The following DAB2IP variants were observed in gnomAD, a reference collection of about 807,000 sequenced individuals.
The protein encoded by DAB2IP is disabled homolog 2-interacting protein.
In DAB2IP, 28 loss-of-function variants were observed where a neutral mutation model predicts 107.2. That is an observed-to-expected ratio of 0.26 (90% CI 0.19 to 0.36). DAB2IP has a LOEUF of 0.36. Ranked by LOEUF, DAB2IP falls within the 10% of genes least tolerant of loss-of-function variation. DAB2IP has a pLI of 1.00. For missense variants in DAB2IP, 1,400 were observed against 1,644.7 expected, an observed-to-expected ratio of 0.85 and a Z score of 2.57; for synonymous variants, 755 against 706.4, an observed-to-expected ratio of 1.07 and a Z score of -1.09.
chr9:121,750,734 G>T (rs548333728), intron 3 of DAB2IP, among the ~76,000 whole-genome samples: 1 of 152,324 alleles, frequency 6.6e-6, no homozygotes, highest in African/African-American at 2.4e-5. Flanking sequence ...TTTCGGTTTG[G>T]GGTCCTTTCC....
At chr9:121,576,755 G>C (rs4310275) in intron 1 of DAB2IP, among the ~76,000 whole-genome samples, 2 of 149,718 alleles carry the variant, frequency 1.3e-5, no homozygotes, top group East Asian at 3.9e-4. Context: ...GGCAGATTCT[G>C]GGGGGGGAGG....
chr9:121,715,351 C>CTT (rs768480637), intron 3 of DAB2IP, among the ~76,000 whole-genome samples: 8 of 129,652 alleles, frequency 6.2e-5, no homozygotes, highest in East Asian at 4.1e-4. Flanking sequence ...TTCTTTCTTT[C>CTT]TTTTTTTTTT....
chr9:121,567,299 T>C (rs1829827420), intron 1 of DAB2IP: 1 of 1,607,118 alleles, frequency 6.2e-7, no homozygotes, highest in Non-Finnish European at 8.5e-7. Context: ...TTCTCTGCTA[T>C]AGGAATCTGA....
intron 1 of DAB2IP, among the ~76,000 whole-genome samples, chr9:121,584,707 A>C (rs950872418): frequency 6.6e-6 from 1 of 152,136 alleles, no homozygotes; most frequent in African/African-American, 2.4e-5. Context: ...TCTGGGGCAA[A>C]GGGTGGGAAG....
rs114616653 is a variant in DAB2IP at position 121,764,918 on chromosome 9, G to A, written c.1460+1039G>A. On this transcript the variant is annotated intron_variant, in intron 8 of 15. Transcript: ENST00000408936. ...CTGTGAATGCTGGGGCACCCTGGGG[G>A]CAGGTGAGCCCACCACCTCAGGACT... Among the ~76,000 whole-genome samples the A allele has an allele frequency of 6.0e-3, 919 of 152,330 alleles. 9 individuals are homozygous for A. The highest frequency in any genetic ancestry group is 0.02 in the African/African-American group (852 of 41,572).
At chr9:121,620,992 C>A (rs1005855945) in intron 1 of DAB2IP, among the ~76,000 whole-genome samples, 1 of 152,212 alleles carries the variant, frequency 6.6e-6, no homozygotes, top group Non-Finnish European at 1.5e-5. Context: ...CTCGCATTCA[C>A]CTGCTCCCCC....
chr9:121,652,152 C>T lies in DAB2IP; in HGVS notation c.124+253C>T, dbSNP rs141915892. Among the ~76,000 whole-genome samples, 482 of 152,272 alleles carry T rather than the reference C, an allele frequency of 3.2e-3. 4 individuals carry two copies. Among genetic ancestry groups the T allele is most frequent in the African/African-American group, 0.01 (427 of 41,550 alleles). On this transcript the variant is annotated intron_variant, in intron 1 of 15. Coordinates refer to ENST00000408936, the Ensembl canonical transcript of DAB2IP. ...GAGAGGGGAGCCTGGAATCTTTCTCCGCATCTCAGATCAGACCTCCTACCC... is the reference window on the plus strand; with the variant it reads ...GAGAGGGGAGCCTGGAATCTTTCTCTGCATCTCAGATCAGACCTCCTACCC...
At chr9:121,693,798 G>C (rs1829282396) in intron 2 of DAB2IP, among the ~76,000 whole-genome samples, 2 of 152,346 alleles carry the variant, frequency 1.3e-5, no homozygotes, top group Admixed American at 1.3e-4. Flanking sequence ...TAGATGCTGG[G>C]CTTGGGGGAA....
chr9:121,568,493 A>G (rs1213771234), intron 1 of DAB2IP, among the ~76,000 whole-genome samples: 1 of 152,180 alleles, frequency 6.6e-6, no homozygotes, highest in African/African-American at 2.4e-5. Context: ...GGAGGAGAAT[A>G]CAAAGGGAGG....
At chr9:121,621,529 T>C (rs1341887582) in intron 1 of DAB2IP, among the ~76,000 whole-genome samples, 1 of 152,158 alleles carries the variant, frequency 6.6e-6, no homozygotes, top group Non-Finnish European at 1.5e-5. Flanking sequence ...GGTGCCTGCC[T>C]GTGGATCTGA....
rs200400031 is a variant in DAB2IP at position 121,781,592 on chromosome 9, G to A, written c.3402+41G>A. 42 of 1,596,058 alleles carry A rather than the reference G, an allele frequency of 2.6e-5. No homozygotes were observed. In the Middle Eastern group the frequency reaches 6.6e-4, roughly 25 times the overall value. On this transcript the variant is annotated intron_variant, in intron 15 of 15. Coordinates refer to ENST00000408936, the Ensembl canonical transcript of DAB2IP. ...CTTTGGTCAGCCACAAGAGTTAAAGGGCCTGGGATTAGGAGGGGTGACTAG... is the reference window on the plus strand; with the variant it reads ...CTTTGGTCAGCCACAAGAGTTAAAGAGCCTGGGATTAGGAGGGGTGACTAG...
At position 121,595,400 on chromosome 9, in the gene DAB2IP, G is replaced by C. The variant is rs114884176; in HGVS notation, c.40+28172G>C. On this transcript the variant is annotated intron_variant, in intron 1 of 16. Transcript: ENST00000259371. ...TTGGGCCCAGGAGTTTGAGACCAGT[G>C]TGGGCAACATAGTGAGACCTTATCT... 3.7e-3 allele frequency among the ~76,000 whole-genome samples: 564 copies of C among 151,842 alleles called. 2 individuals carry two copies. Among genetic ancestry groups the C allele is most frequent in the African/African-American group, 0.013 (541 of 41,490 alleles).
chr9:121,781,683 G>A (rs908050006), intron 15 of DAB2IP, 132 bp downstream of exon 15: 17 of 886,036 alleles, frequency 1.9e-5, no homozygotes, highest in Non-Finnish European at 3.0e-5. Flanking sequence ...AATCTGCCCT[G>A]AGAAGTCAGA....
chr9:121,593,700 C>T (rs1397569436), intron 1 of DAB2IP, among the ~76,000 whole-genome samples: 2 of 126,416 alleles, frequency 1.6e-5, no homozygotes, highest in East Asian at 4.6e-4. Context: ...CGGAGTCTCA[C>T]TCTGTTGCCC....
chr9:121,591,531 G>C (rs1272406653), intron 1 of DAB2IP, among the ~76,000 whole-genome samples: 1 of 152,060 alleles, frequency 6.6e-6, no homozygotes, highest in Non-Finnish European at 1.5e-5. Flanking sequence ...CCAGGATCTT[G>C]GAGGCCACAT....
At chr9:121,569,546 G>T (rs973912305) in intron 1 of DAB2IP, among the ~76,000 whole-genome samples, 3 of 152,236 alleles carry the variant, frequency 2.0e-5, no homozygotes, top group Non-Finnish European at 4.4e-5. Flanking sequence ...AAGGCTGGGC[G>T]CAGTGGCTCA....
intron 3 of DAB2IP, among the ~76,000 whole-genome samples, chr9:121,754,237 T>C (rs922603638): frequency 1.6e-4 from 25 of 152,176 alleles, no homozygotes; most frequent in Admixed American, 1.5e-3. Context: ...CAGCTCCCTC[T>C]GGGCCCAGAT....
At chr9:121,777,002 G>T (rs1426203082) in intron 14 of DAB2IP, among the ~76,000 whole-genome samples, 1 of 152,116 alleles carries the variant, frequency 6.6e-6, no homozygotes, top group African/African-American at 2.4e-5. Context: ...TTTTAATGCT[G>T]ACTCTCATCT....
rs754305078 is a variant in DAB2IP, at chr9:121,772,950, A to G, written c.2422A>G (p.Thr808Ala). The G allele has an allele frequency of 8.9e-6, 14 of 1,573,956 alleles. No individual in the cohort carries two copies. The highest frequency in any genetic ancestry group is 1.2e-5 in the Non-Finnish European group (14 of 1,162,500). Reference sequence around the variant, plus strand: ...GGTGCGGCGGGCAGGCCAGACACCAACCACACCAGGCACCTCCGAGGGCGC... The same window carrying G: ...GGTGCGGCGGGCAGGCCAGACACCAGCCACACCAGGCACCTCCGAGGGCGC... The change falls in exon 12 of 16, where the codon ACC (threonine) becomes GCC (alanine). Residue 808 changes from threonine (T) to alanine (A), a missense_variant. This residue lies in a region of DAB2IP where 600 missense variants were observed against 659.1 expected (regional missense o/e 0.91). Coordinates refer to ENST00000408936, the Ensembl canonical transcript of DAB2IP. This position sits in a 1 kb window ranked among gnomAD's most constrained non-coding sequence, Gnocchi z 4.7.
Sources: allele counts gnomAD v4.1 joint callset (sites outside exome capture counted in the v4.1 genomes callset), GRCh38; gene constraint gnomAD v4.1.1; regional missense constraint gnomAD v4.1.1; non-coding constraint Gnocchi (gnomAD v3.1); transcripts MANE v1.5; gene names NCBI Gene and HGNC (gene_info 2026-07-23, HGNC 2026-07-21).